EFNA5: variants seen among roughly 807,000 people sequenced by gnomAD.
EFNA5 encodes ephrin-A5.
Under a neutral mutation model 22.9 loss-of-function variants are expected in EFNA5, and 5 were observed. That is an observed-to-expected ratio of 0.22 (90% CI 0.11 to 0.46). EFNA5 has a LOEUF of 0.46. Among genes scored for constraint, EFNA5 ranks in the 20% least tolerant of loss-of-function variants. The pLI is 0.99. For missense variants in EFNA5, 237 were observed against 293.3 expected (o/e 0.81, Z 1.40); for synonymous variants, 113 against 112.2 (o/e 1.01, Z -0.04).
chr5:107,582,036 G>A (rs1372908234), intron 1 of EFNA5, among the ~76,000 whole-genome samples: 1 of 152,118 alleles, frequency 6.6e-6, no homozygotes, highest in African/African-American at 2.4e-5. Flanking sequence ...AAAAATCCTG[G>A]TGCCTAAAGT....
chr5:107,580,728 AAAAAAAAAAAAAGAAAAG>A (rs1749049708), intron 1 of EFNA5, among the ~76,000 whole-genome samples: 1 of 144,994 alleles, frequency 6.9e-6, no homozygotes, highest in Non-Finnish European at 1.5e-5. Context: ...TCTCAAAAAA[AAAAAAAAAAAAAGAAAAG>A]AAAAGAAAAG....
intron 1 of EFNA5, among the ~76,000 whole-genome samples, chr5:107,443,417 T>C (rs560107522): frequency 6.6e-6 from 1 of 152,346 alleles, no homozygotes; most frequent in Admixed American, 6.5e-5. Context: ...AGACCCACTA[T>C]ACCCCCTCAA....
intron 2 of EFNA5, among the ~76,000 whole-genome samples, chr5:107,424,041 G>C (rs1160748833): frequency 6.6e-6 from 1 of 152,042 alleles, no homozygotes; most frequent in African/African-American, 2.4e-5. Context: ...AAGTAATGAG[G>C]TGAATAGCTT....
At chr5:107,612,906 T>A (rs142039387) in intron 1 of EFNA5, among the ~76,000 whole-genome samples, 1 of 152,118 alleles carries the variant, frequency 6.6e-6, no homozygotes, top group South Asian at 2.1e-4. Flanking sequence ...CTTCTAGACA[T>A]AGAAACTCAG....
intron 3 of EFNA5, 132 bp downstream of exon 3, chr5:107,387,574 T>C (rs1236367086): frequency 8.6e-6 from 6 of 699,220 alleles, no homozygotes; most frequent in East Asian, 7.5e-5. Flanking sequence ...AACTAAAATA[T>C]GAATGTTGAT....
chr5:107,570,015 C>A (rs1481125959), intron 1 of EFNA5, among the ~76,000 whole-genome samples: 3 of 151,940 alleles, frequency 2.0e-5, no homozygotes, highest in African/African-American at 7.3e-5. Flanking sequence ...GGATTACTGC[C>A]CTAACTCTAG....
At chr5:107,638,020 G>GT (rs2112541703) in intron 1 of EFNA5, among the ~76,000 whole-genome samples, 1 of 90,932 alleles carries the variant, frequency 1.1e-5, no homozygotes, top group South Asian at 4.3e-4. Context: ...CTAATTTTTT[G>GT]TATTTTTTTT....
At position 107,547,716 on chromosome 5, in the gene EFNA5, T is replaced by G. The variant is rs1748198393; in HGVS notation, c.126-120207A>C. On this transcript the variant is annotated intron_variant, in intron 1 of 4. Transcript: ENST00000333274. ...TTTTTAACCATAAAAAAAAAGCATT[T>G]TTCTTTTTGATGATATATATACTAA... 3.3e-5 allele frequency among the ~76,000 whole-genome samples: 5 copies of G among 152,188 alleles called. No homozygotes were observed. In the South Asian group the frequency reaches 1.0e-3, roughly 32 times the overall value.
intron 1 of EFNA5, among the ~76,000 whole-genome samples, chr5:107,484,487 C>T (rs1019696316): frequency 1.3e-5 from 2 of 152,202 alleles, no homozygotes; most frequent in African/African-American, 4.8e-5. Context: ...TGTTGGCACA[C>T]TGGAATTAGA....
At chr5:107,547,380 C>T (rs1350178819) in intron 1 of EFNA5, among the ~76,000 whole-genome samples, 2 of 152,138 alleles carry the variant, frequency 1.3e-5, no homozygotes, top group Non-Finnish European at 2.9e-5. Context: ...AACACTCATA[C>T]CTCCCAACAA....
At chr5:107,493,715 T>C (rs973126937) in intron 1 of EFNA5, among the ~76,000 whole-genome samples, 1 of 152,246 alleles carries the variant, frequency 6.6e-6, no homozygotes, top group African/African-American at 2.4e-5. Flanking sequence ...ACAAGGTTTA[T>C]AATGAGCTGT....
intron 1 of EFNA5, among the ~76,000 whole-genome samples, chr5:107,636,523 T>G (rs1371736186): frequency 6.6e-6 from 1 of 152,230 alleles, no homozygotes; most frequent in African/African-American, 2.4e-5. Flanking sequence ...CTGGACACCC[T>G]CAAGCTATTA....
chr5:107,544,526 C>T (rs549001058), intron 1 of EFNA5, among the ~76,000 whole-genome samples: 119 of 152,254 alleles, frequency 7.8e-4, no homozygotes, highest in African/African-American at 2.8e-3. Flanking sequence ...AAACTCTGAA[C>T]TTCAAATTAC....
intron 1 of EFNA5, among the ~76,000 whole-genome samples, chr5:107,655,040 G>A (rs1198994138): frequency 6.6e-6 from 1 of 151,992 alleles, no homozygotes; most frequent in Admixed American, 6.6e-5. Context: ...AGTAAGCCTG[G>A]CTAAGATGCA....
intron 4 of EFNA5, among the ~76,000 whole-genome samples, chr5:107,383,225 A>G (rs1022527280): frequency 2.0e-5 from 3 of 152,190 alleles, no homozygotes; most frequent in Non-Finnish European, 2.9e-5. Context: ...CCTGGACCTT[A>G]GCGAATCTGC....
At chr5:107,473,891 C>T (rs1750211511) in intron 1 of EFNA5, among the ~76,000 whole-genome samples, 1 of 152,054 alleles carries the variant, frequency 6.6e-6, no homozygotes, top group African/African-American at 2.4e-5. Context: ...GATCTCCTGA[C>T]CTCGTGATCC....
intron 1 of EFNA5, among the ~76,000 whole-genome samples, chr5:107,483,917 C>T (rs1750550057): frequency 6.6e-6 from 1 of 152,132 alleles, no homozygotes; most frequent in Admixed American, 6.5e-5. Context: ...AGAGTTACTC[C>T]CTGAGAGAGA....
intron 1 of EFNA5, among the ~76,000 whole-genome samples, chr5:107,455,666 T>C: frequency 6.6e-6 from 1 of 152,140 alleles, no homozygotes; most frequent in East Asian, 1.9e-4. Flanking sequence ...CAGCAAAAAA[T>C]TCCTCATTCT....
chr5:107,599,679 T>C (rs1285977026), intron 1 of EFNA5, among the ~76,000 whole-genome samples: 1 of 152,246 alleles, frequency 6.6e-6, no homozygotes, highest in East Asian at 1.9e-4. Flanking sequence ...CTAGAAAGAT[T>C]TGTTAAATAT....
Sources: gnomAD v4.1 joint callset for allele counts (sites outside exome capture counted in the v4.1 genomes callset) on GRCh38, gnomAD v4.1.1 for gene constraint, MANE v1.5 for transcripts, NCBI Gene and HGNC (gene_info 2026-07-23, HGNC 2026-07-21) for gene names.